CFAP20DC: variants seen among roughly 807,000 people sequenced by gnomAD.
The protein encoded by CFAP20DC is CFAP20 domain containing, also known as protein CFAP20DC.
Under a neutral mutation model 101.7 loss-of-function variants are expected in CFAP20DC, and 84 were observed. That is an observed-to-expected ratio of 0.83 (90% CI 0.69 to 0.99). CFAP20DC has a LOEUF of 0.99. CFAP20DC is among the 50% of genes least tolerant of loss of function. The pLI, the probability that CFAP20DC is intolerant of heterozygous loss-of-function variation, is 0.00. For missense variants in CFAP20DC, 1,007 were observed against 970.3 expected, an observed-to-expected ratio of 1.04 and a Z score of -0.50; for synonymous variants, 359 against 351.2, an observed-to-expected ratio of 1.02 and a Z score of -0.25.
At chr3:59,027,925 G>A (rs545947495) in intron 4 of CFAP20DC, among the ~76,000 whole-genome samples, 25 of 152,252 alleles carry the variant, frequency 1.6e-4, no homozygotes, top group Middle Eastern at 3.4e-3. Flanking sequence ...ATTAGACACA[G>A]TTACACTAAA....
At chr3:58,999,020 T>G (rs2093225879) in intron 4 of CFAP20DC, among the ~76,000 whole-genome samples, 1 of 152,222 alleles carries the variant, frequency 6.6e-6, no homozygotes, top group African/African-American at 2.4e-5. Flanking sequence ...TCTTCACTGA[T>G]GAGGACTGAG....
intron 4 of CFAP20DC, among the ~76,000 whole-genome samples, chr3:58,938,998 T>C (rs2088117308): frequency 6.6e-6 from 1 of 152,212 alleles, no homozygotes; most frequent in Non-Finnish European, 1.5e-5. Context: ...TACATATATG[T>C]AAACATAGTA....
intron 15 of CFAP20DC, among the ~76,000 whole-genome samples, chr3:58,756,986 T>C (rs2069013430): frequency 6.6e-6 from 1 of 152,142 alleles, no homozygotes; most frequent in South Asian, 2.1e-4. Flanking sequence ...GTTTTCAATG[T>C]TTTGCAATGA....
chr3:58,829,114 T>C (rs2076228497), intron 14 of CFAP20DC, among the ~76,000 whole-genome samples: 1 of 151,856 alleles, frequency 6.6e-6, no homozygotes, highest in Non-Finnish European at 1.5e-5. Context: ...GGTGGATCAT[T>C]TGAGGTCAGG....
chr3:58,757,162 T>C (rs1172076649), intron 15 of CFAP20DC, among the ~76,000 whole-genome samples: 1 of 152,124 alleles, frequency 6.6e-6, no homozygotes, highest in Non-Finnish European at 1.5e-5. Flanking sequence ...GGGTTGTACC[T>C]GTCTTCATTC....
intron 6 of CFAP20DC, among the ~76,000 whole-genome samples, chr3:58,887,834 GT>G (rs34847537): frequency 6.6e-6 from 1 of 152,150 alleles, no homozygotes; most frequent in African/African-American, 2.4e-5. Context: ...AAGGAGAAAT[GT>G]TTTTTAAAAA....
intron 3 of CFAP20DC, among the ~76,000 whole-genome samples, chr3:59,044,520 C>T (rs973756199): frequency 5.3e-5 from 8 of 151,644 alleles, no homozygotes; most frequent in African/African-American, 1.5e-4. Flanking sequence ...ACAATTAAAA[C>T]GATCATCTTT....
intron 15 of CFAP20DC, among the ~76,000 whole-genome samples, chr3:58,803,585 A>G (rs918596689): frequency 6.6e-6 from 1 of 152,202 alleles, no homozygotes; most frequent in Non-Finnish European, 1.5e-5. Flanking sequence ...CCATTTTTAT[A>G]TGATGATATA....
In CFAP20DC at chr3:58,964,671, A is replaced by G. The variant is rs1263019319; in HGVS notation, c.279-26909T>C. On this transcript the variant is annotated intron_variant, in intron 4 of 16. Transcript: ENST00000482387. The surrounding 1 kb of genome is among the most constrained non-coding windows in gnomAD (Gnocchi z 4.1). ...ATAATAATTTGAACTACTTATTTACATATTTTTGGTTTTGTGTGTACATCA... is the reference window on the plus strand; with the variant it reads ...ATAATAATTTGAACTACTTATTTACGTATTTTTGGTTTTGTGTGTACATCA... 3.9e-5 allele frequency among the ~76,000 whole-genome samples: 6 copies of G among 152,326 alleles called. No homozygotes were observed. The highest frequency in any genetic ancestry group is 6.5e-5 in the Admixed American group (1 of 15,290).
Position 58,935,490 on chromosome 3 carries a change from A to C in CFAP20DC, c.393+2158T>G, listed in dbSNP as rs541896494. On this transcript the variant is annotated intron_variant, in intron 5 of 16. Transcript: ENST00000482387. ...AGTCAATCCTAAGCCAAAAGAACAA[A>C]GCTGGAGGTATCGCGCTACCTGACT... Among the ~76,000 whole-genome samples, 311 of 151,940 alleles carry C rather than the reference A, an allele frequency of 2.0e-3. 8 individuals are homozygous for C. The highest frequency in any genetic ancestry group is 7.4e-3 in the African/African-American group (304 of 41,184).
intron 15 of CFAP20DC, among the ~76,000 whole-genome samples, chr3:58,770,072 T>C (rs1291805860): frequency 6.6e-6 from 1 of 152,234 alleles, no homozygotes; most frequent in Non-Finnish European, 1.5e-5. Context: ...ATGCCAGTAC[T>C]TTCCCTCAGG....
At chr3:58,787,169 GCA>G (rs1256773168) in intron 15 of CFAP20DC, among the ~76,000 whole-genome samples, 1 of 151,696 alleles carries the variant, frequency 6.6e-6, no homozygotes, top group Non-Finnish European at 1.5e-5. Flanking sequence ...AACAGCTCTA[GCA>G]CAGAGTAACG....
intron 4 of CFAP20DC, among the ~76,000 whole-genome samples, chr3:58,947,701 T>C (rs943831519): frequency 6.6e-5 from 10 of 152,206 alleles, no homozygotes; most frequent in Non-Finnish European, 1.5e-4. Context: ...GCAGCGTCTT[T>C]AGGAAGCACA....
chr3:58,919,052 T>C (rs1269912376), intron 5 of CFAP20DC, among the ~76,000 whole-genome samples: 5 of 152,130 alleles, frequency 3.3e-5, no homozygotes, highest in East Asian at 3.8e-4. Flanking sequence ...CATCAAGACA[T>C]AGGATGTTTT....
intron 5 of CFAP20DC, among the ~76,000 whole-genome samples, chr3:58,937,005 C>A (rs1188727406): frequency 6.7e-6 from 1 of 150,154 alleles, no homozygotes; most frequent in Non-Finnish European, 1.5e-5. Flanking sequence ...GTATCAAGTG[C>A]ATACCAGAAT....
At chr3:59,024,171 C>A (rs1357312493) in intron 4 of CFAP20DC, among the ~76,000 whole-genome samples, 1 of 152,114 alleles carries the variant, frequency 6.6e-6, no homozygotes, top group Non-Finnish European at 1.5e-5. Context: ...TACCACAGAA[C>A]AAACTGAAGC....
At chr3:59,024,522 A>G (rs1193870648) in intron 4 of CFAP20DC, among the ~76,000 whole-genome samples, 18 of 152,098 alleles carry the variant, frequency 1.2e-4, no homozygotes, top group Admixed American at 1.2e-3. Flanking sequence ...CTATTGTAAG[A>G]TATGTTTGTA....
Position 58,937,780 on chromosome 3 carries a change from A to G in CFAP20DC, c.279-18T>C, listed in dbSNP as rs2087917644. The G allele has an allele frequency of 7.5e-7, 1 of 1,341,292 alleles. No homozygotes were observed. The highest frequency in any genetic ancestry group is 1.2e-5 in the South Asian group (1 of 84,048). 83.1% of individuals were successfully genotyped at this position (1,341,292 alleles called of 1,614,324 possible). The stretch of plus-strand genomic sequence containing the variant: ...CAGTAATTCTGAAAACATGGAGGAG[A>G]GAAGACAGAAAGATTCCCATCAATT... On this transcript the variant is annotated intron_variant, in intron 4 of 16. Transcript: ENST00000482387.
At chr3:58,998,951 C>T (rs140425585) in intron 4 of CFAP20DC, among the ~76,000 whole-genome samples, 2 of 152,366 alleles carry the variant, frequency 1.3e-5, no homozygotes, top group East Asian at 1.9e-4. Flanking sequence ...TGTCCAAACT[C>T]ACACAGCTGG....
Sources: allele counts gnomAD v4.1 joint callset (sites outside exome capture counted in the v4.1 genomes callset), GRCh38; gene constraint gnomAD v4.1.1; non-coding constraint Gnocchi (gnomAD v3.1); transcripts MANE v1.5; gene names NCBI Gene and HGNC (gene_info 2026-07-23, HGNC 2026-07-21).